KCNN2: variants seen among roughly 807,000 people sequenced by gnomAD.
KCNN2 encodes the protein potassium calcium-activated channel subfamily N member 2.
KCNN2 carries 24 observed loss-of-function variants against 55.5 expected under a neutral mutation model. The observed-to-expected ratio is 0.43, with a 90% CI of 0.31 to 0.61. The LOEUF (loss-of-function observed/expected upper bound fraction) is 0.61, where lower values mean the gene tolerates loss of function less well. Among genes scored for constraint, KCNN2 ranks in the 20% least tolerant of loss-of-function variants. The pLI, the probability that KCNN2 is intolerant of heterozygous loss-of-function variation, is 0.08. For synonymous variants in KCNN2, 431 were observed against 336.1 expected (o/e 1.28, Z -3.09); for missense variants, 754 against 853.6 (o/e 0.88, Z 1.45).
intron 5 of KCNN2, among the ~76,000 whole-genome samples, chr5:114,483,619 A>T (rs1042242031): frequency 6.6e-6 from 1 of 152,100 alleles, no homozygotes; most frequent in African/African-American, 2.4e-5. Flanking sequence ...TCAAATTATT[A>T]TAAAAATTAT....
intron 2 of KCNN2, among the ~76,000 whole-genome samples, chr5:114,351,792 C>T (rs1757207441): frequency 6.6e-6 from 1 of 151,672 alleles, no homozygotes. Context: ...ACTATGTATT[C>T]TTATGATAAT....
intron 2 of KCNN2, among the ~76,000 whole-genome samples, chr5:114,315,836 G>A (rs1756490201): frequency 6.6e-6 from 1 of 152,116 alleles, no homozygotes; most frequent in East Asian, 1.9e-4. Flanking sequence ...CCTTGATAGA[G>A]AAGCCTTTCT....
chr5:114,162,844 G>GT (rs996989950), intron 1 of KCNN2, among the ~76,000 whole-genome samples: 98 of 152,266 alleles, frequency 6.4e-4, no homozygotes, highest in African/African-American at 2.3e-3. Context: ...TGTTAAGTCG[G>GT]TTGGAAAAGC....
intron 1 of KCNN2, among the ~76,000 whole-genome samples, chr5:114,131,085 A>C (rs932593562): frequency 6.6e-6 from 1 of 152,138 alleles, no homozygotes; most frequent in Non-Finnish European, 1.5e-5. Context: ...TTGAAAGCAC[A>C]ATTTTATTTT....
At chr5:114,386,217 G>C (rs1050609410) in intron 2 of KCNN2, among the ~76,000 whole-genome samples, 1 of 151,124 alleles carries the variant, frequency 6.6e-6, no homozygotes, top group Non-Finnish European at 1.5e-5. Flanking sequence ...AGTATAGAGT[G>C]GTTAAATGAC....
intron 2 of KCNN2, among the ~76,000 whole-genome samples, chr5:114,380,854 T>C (rs1758098961): frequency 6.6e-6 from 1 of 152,184 alleles, no homozygotes; most frequent in East Asian, 1.9e-4. Flanking sequence ...GTAGCACTTA[T>C]CAGACTCTGT....
chr5:114,175,948 T>C (rs1161159641), intron 1 of KCNN2, among the ~76,000 whole-genome samples: 1 of 152,224 alleles, frequency 6.6e-6, no homozygotes, highest in Non-Finnish European at 1.5e-5. Context: ...GCTATACAGT[T>C]ATTTCTTAGG....
At chr5:114,253,716 G>A (rs1216468210) in intron 2 of KCNN2, 1 of 152,126 alleles carries the variant, frequency 6.6e-6, no homozygotes, top group Non-Finnish European at 1.5e-5. Flanking sequence ...CTCCAAATAA[G>A]CTCTCAAGGG....
intron 1 of KCNN2, among the ~76,000 whole-genome samples, chr5:114,172,256 A>G (rs567236720): frequency 6.6e-6 from 1 of 152,036 alleles, no homozygotes; most frequent in Non-Finnish European, 1.5e-5. Context: ...TGGGCAAAGT[A>G]TCATGCAAAG....
intron 2 of KCNN2, among the ~76,000 whole-genome samples, chr5:114,348,241 A>G (rs185643916): frequency 1.3e-5 from 2 of 148,424 alleles, no homozygotes; most frequent in African/African-American, 2.5e-5. Flanking sequence ...AAAAGGTTAC[A>G]AAGAAAATTA....
intron 1 of KCNN2, among the ~76,000 whole-genome samples, chr5:114,217,973 C>A (rs1561527187): frequency 6.6e-6 from 1 of 152,076 alleles, no homozygotes; most frequent in Non-Finnish European, 1.5e-5. Context: ...ATACAGATGG[C>A]AAATTAGCAT....
intron 2 of KCNN2, among the ~76,000 whole-genome samples, chr5:114,365,753 G>C (rs1471814351): frequency 6.6e-6 from 1 of 152,162 alleles, no homozygotes; most frequent in Admixed American, 6.5e-5. Context: ...ATTCCAAAAT[G>C]TTCTTACATA....
intron 2 of KCNN2, among the ~76,000 whole-genome samples, chr5:114,242,143 C>T (rs934161986): frequency 3.1e-4 from 47 of 151,682 alleles, no homozygotes; most frequent in African/African-American, 1.1e-3. Context: ...TTATAATGGA[C>T]AATAAGCATG....
chr5:114,264,158 A>C (rs1367762938), intron 2 of KCNN2, among the ~76,000 whole-genome samples: 2 of 152,156 alleles, frequency 1.3e-5, no homozygotes, highest in African/African-American at 4.8e-5. Context: ...AACTGTTTCC[A>C]ACTCCCAAGA....
rs1751684092 is a variant in KCNN2, at chr5:114,115,061, ATGG to A, written c.-271+58564_-271+58566del. ...GAGTTAATAGAATTGCTGTGGTGAC[ATGG>A]TGAAGTTCTAATTCTCTTTCTTCAT... On this transcript the variant is annotated intron_variant, in intron 1 of 10. Transcript: ENST00000512097. 2.0e-5 allele frequency among the ~76,000 whole-genome samples: 3 copies of A among 152,138 alleles called. No individual in the cohort carries two copies. In the South Asian group the frequency reaches 6.2e-4, roughly 31 times the overall value.
At chr5:114,104,796 A>T (rs1751446482) in intron 1 of KCNN2, among the ~76,000 whole-genome samples, 1 of 151,954 alleles carries the variant, frequency 6.6e-6, no homozygotes, top group Non-Finnish European at 1.5e-5. Flanking sequence ...TGAGGTCTGA[A>T]TGAAAAAGGC....
At chr5:114,436,832 G>C (rs1305454365) in intron 3 of KCNN2, among the ~76,000 whole-genome samples, 2 of 152,176 alleles carry the variant, frequency 1.3e-5, no homozygotes, top group Non-Finnish European at 2.9e-5. Context: ...AGTGCTCTTT[G>C]ACACTATCCA....
At chr5:114,156,647 A>C (rs1387224703) in intron 1 of KCNN2, among the ~76,000 whole-genome samples, 1 of 151,992 alleles carries the variant, frequency 6.6e-6, no homozygotes, top group Non-Finnish European at 1.5e-5. Context: ...TGTGGCAGTC[A>C]TGGAAGGAAT....
chr5:114,068,497 A>C (rs951017443), intron 1 of KCNN2, among the ~76,000 whole-genome samples: 13 of 152,182 alleles, frequency 8.5e-5, no homozygotes, highest in African/African-American at 3.1e-4. Context: ...CAGCTGCCCA[A>C]GTGACAGTTT....
Sources: allele counts gnomAD v4.1 joint callset (sites outside exome capture counted in the v4.1 genomes callset), GRCh38; gene constraint gnomAD v4.1.1; transcripts MANE v1.5; gene names NCBI Gene and HGNC (gene_info 2026-07-23, HGNC 2026-07-21).